ASTN2: variants seen among roughly 807,000 people sequenced by gnomAD.
ASTN2 encodes astrotactin 2.
A neutral mutation model predicts 139.8 loss-of-function variants in ASTN2; 54 were observed. The observed-to-expected ratio is 0.39, with a 90% CI of 0.31 to 0.48. The LOEUF (loss-of-function observed/expected upper bound fraction) is 0.48, where lower values mean the gene tolerates loss of function less well. Ranked by LOEUF, ASTN2 falls within the 20% of genes least tolerant of loss-of-function variation. The pLI, the probability that ASTN2 is intolerant of heterozygous loss-of-function variation, is 0.95. For missense variants in ASTN2, 1,565 were observed against 1,725.1 expected (o/e 0.91, Z 1.64); for synonymous variants, 756 against 719.5 (o/e 1.05, Z -0.81).
At chr9:116,577,692 G>C (rs1853777234) in intron 19 of ASTN2, among the ~76,000 whole-genome samples, 1 of 152,232 alleles carries the variant, frequency 6.6e-6, no homozygotes, top group South Asian at 2.1e-4. Flanking sequence ...TGCTGAACAA[G>C]TGATGTTAGT....
chr9:116,746,083 CTTTT>C (rs745554164), intron 13 of ASTN2, among the ~76,000 whole-genome samples: 1 of 124,258 alleles, frequency 8.0e-6, no homozygotes, highest in Admixed American at 8.4e-5. Flanking sequence ...AAACTGAGTA[CTTTT>C]TTTTTTTTTT....
chr9:117,206,517 G>A (rs1008594092), intron 3 of ASTN2, among the ~76,000 whole-genome samples: 5 of 152,094 alleles, frequency 3.3e-5, no homozygotes, highest in Admixed American at 6.5e-5. Context: ...GCTGCAGCAC[G>A]GTACACACCT....
At chr9:116,857,466 T>C (rs1832770960) in intron 11 of ASTN2, among the ~76,000 whole-genome samples, 1 of 152,194 alleles carries the variant, frequency 6.6e-6, no homozygotes, top group East Asian at 1.9e-4. Flanking sequence ...AAGGCTTAAC[T>C]CTTGTGGTGT....
At chr9:116,989,583 T>C (rs924598403) in intron 7 of ASTN2, among the ~76,000 whole-genome samples, 4 of 92,806 alleles carry the variant, frequency 4.3e-5, no homozygotes, top group Non-Finnish European at 8.7e-5. Context: ...TGATTATATT[T>C]GGGTTTTTTT....
intron 19 of ASTN2, among the ~76,000 whole-genome samples, chr9:116,516,911 T>C (rs2119214574): frequency 6.6e-6 from 1 of 152,260 alleles, no homozygotes; most frequent in South Asian, 2.1e-4. Flanking sequence ...TCTGGGAACA[T>C]AACTCCATTG....
At chr9:116,650,184 G>A (rs1433164037) in intron 17 of ASTN2, among the ~76,000 whole-genome samples, 1 of 152,132 alleles carries the variant, frequency 6.6e-6, no homozygotes, top group Non-Finnish European at 1.5e-5. Flanking sequence ...AAGGAGGAGT[G>A]GGGATCAAAT....
chr9:116,722,228 A>G (rs1029019222), intron 16 of ASTN2, among the ~76,000 whole-genome samples: 1 of 151,310 alleles, frequency 6.6e-6, no homozygotes, highest in Non-Finnish European at 1.5e-5. Flanking sequence ...TATCTTCTTT[A>G]TTTGGTGCCA....
At chr9:116,945,343 T>A (rs1270170256) in intron 10 of ASTN2, among the ~76,000 whole-genome samples, 1 of 152,066 alleles carries the variant, frequency 6.6e-6, no homozygotes, top group Non-Finnish European at 1.5e-5. Context: ...ATGGTAAACA[T>A]TTGCACCAAA....
chr9:116,582,509 AT>A (rs1239135508), intron 19 of ASTN2: 1 of 152,354 alleles, frequency 6.6e-6, no homozygotes. Context: ...CTAGTAAGTG[AT>A]GTAACTGAGA....
chr9:116,595,289 G>A (rs1564140697), intron 19 of ASTN2, among the ~76,000 whole-genome samples: 1 of 151,916 alleles, frequency 6.6e-6, no homozygotes, highest in Non-Finnish European at 1.5e-5. Flanking sequence ...TATGGTGTAG[G>A]TACTTAACAA....
In ASTN2 at chr9:116,993,601, A is replaced by C. The variant is rs575696565; in HGVS notation, c.1591+14491T>G. On this transcript the variant is annotated intron_variant, in intron 7 of 22. Coordinates refer to ENST00000313400, the MANE Select transcript of ASTN2 (RefSeq NM_001365068.1). ...GATACTATATATAGGAATAAAGTAC[A>C]TAAGTTACTATATACAGTATCTATA... Among the ~76,000 whole-genome samples, 6 of 149,408 alleles carry C rather than the reference A, an allele frequency of 4.0e-5. No homozygotes were observed. The East Asian group carries it at 1.2e-3, about 29-fold the overall frequency.
chr9:117,057,967 A>G (rs1839111225), intron 5 of ASTN2, among the ~76,000 whole-genome samples: 1 of 152,178 alleles, frequency 6.6e-6, no homozygotes, highest in African/African-American at 2.4e-5. Context: ...CTTTCTTCAT[A>G]AAGGGCAAAA....
At chr9:116,857,995 A>C (rs759871390) in intron 11 of ASTN2, among the ~76,000 whole-genome samples, 96 of 152,174 alleles carry the variant, frequency 6.3e-4, no homozygotes, top group Non-Finnish European at 9.3e-4. Flanking sequence ...TGATGTGAGA[A>C]GCCCAAGCCA....
intron 10 of ASTN2, among the ~76,000 whole-genome samples, chr9:116,943,409 G>T (rs1835293097): frequency 6.6e-6 from 1 of 152,104 alleles, no homozygotes; most frequent in Non-Finnish European, 1.5e-5. Flanking sequence ...GCTTACATAA[G>T]TATCTACAAT....
At chr9:116,996,078 C>T (rs548030319) in intron 7 of ASTN2, among the ~76,000 whole-genome samples, 14 of 151,940 alleles carry the variant, frequency 9.2e-5, no homozygotes, top group Non-Finnish European at 2.1e-4. Context: ...TTGTGATCCT[C>T]CCACCTTGAA....
At chr9:116,585,049 C>T (rs1854092385) in intron 19 of ASTN2, 1 of 152,188 alleles carries the variant, frequency 6.6e-6, no homozygotes, top group Non-Finnish European at 1.5e-5. Context: ...AGAAGCAACA[C>T]TTGAGTAGTT....
chr9:117,016,261 T>C (rs569998226), intron 6 of ASTN2, among the ~76,000 whole-genome samples: 189 of 152,048 alleles, frequency 1.2e-3, no homozygotes, highest in African/African-American at 4.4e-3. Flanking sequence ...AACATGGACT[T>C]TGTGACTCTC....
chr9:117,364,950 AACAC>A (rs71379275), intron 1 of ASTN2, among the ~76,000 whole-genome samples: 21,511 of 121,264 alleles, frequency 0.18, 1,875 homozygotes, highest in Non-Finnish European at 0.22. Context: ...CCATCTCTAC[AACAC>A]ACACACACAC....
chr9:117,047,156 G>A (rs1419551570), intron 5 of ASTN2, among the ~76,000 whole-genome samples: 1 of 152,178 alleles, frequency 6.6e-6, no homozygotes. Context: ...CACGTCATCT[G>A]ACAAGTGCAA....
Sources: allele counts gnomAD v4.1 joint callset (sites outside exome capture counted in the v4.1 genomes callset), GRCh38; gene constraint gnomAD v4.1.1; transcripts MANE v1.5; gene names NCBI Gene and HGNC (gene_info 2026-07-23, HGNC 2026-07-21).